Variants in RABL6 observed in about 807,000 individuals in gnomAD.
The protein encoded by RABL6 is rab-like protein 6.
Under a neutral mutation model 72.9 loss-of-function variants are expected in RABL6, and 28 were observed. The ratio of observed to expected loss-of-function variants is 0.38; its 90% CI spans 0.28 to 0.53. The LOEUF is 0.53. RABL6 is among the 20% of genes least tolerant of loss of function. The probability of loss-of-function intolerance (pLI) is 0.80; values close to 1 mark genes in which losing one functional copy is unlikely to be tolerated. For missense variants in RABL6, 1,029 were observed against 1,008.4 expected (o/e 1.02, Z -0.28); for synonymous variants, 477 against 421.2 (o/e 1.13, Z -1.62).
chr9:136,825,692 G>T lies in RABL6; in HGVS notation c.266-87G>T, dbSNP rs572379152. ...CCTGGTGGGAGCCGGTGGCTGCGGG[G>T]CACAGACAACCACACCAGCTGGACC... On this transcript the variant is annotated intron_variant, in intron 2 of 14. Coordinates refer to ENST00000311502, the MANE Select transcript of RABL6 (RefSeq NM_024718.5). 215 of 1,436,606 alleles carry T rather than the reference G, an allele frequency of 1.5e-4. No homozygotes were observed. In the African/African-American group the frequency reaches 2.8e-3, roughly 19 times the overall value. The allele number at this position is 1,436,606 out of a possible 1,614,324, so 89.0% of individuals were successfully genotyped here. A position where few individuals can be genotyped will look rare whatever the true frequency, so the allele number is the denominator to read the frequency against.
intron 1 of RABL6, chr9:136,813,976 A>G: frequency 2.6e-6 from 1 of 387,916 alleles, no homozygotes; most frequent in Non-Finnish European, 5.1e-6. Flanking sequence ...TGTAGCCAAA[A>G]GTATTCTCAC....
intron 1 of RABL6, chr9:136,821,663 C>T: frequency 2.0e-6 from 2 of 989,744 alleles, no homozygotes; most frequent in Non-Finnish European, 2.4e-6. Flanking sequence ...TCGGGCCTCC[C>T]GCCGCGCTGG....
chr9:136,810,760 C>G (rs1588344008), intron 1 of RABL6, among the ~76,000 whole-genome samples: 1 of 152,322 alleles, frequency 6.6e-6, no homozygotes, highest in East Asian at 1.9e-4. Flanking sequence ...CCAGGATGGT[C>G]TCAATCTCCT....
At chr9:136,820,177 C>T (rs1472985490) in intron 1 of RABL6, among the ~76,000 whole-genome samples, 3 of 122,094 alleles carry the variant, frequency 2.5e-5, no homozygotes, top group Non-Finnish European at 3.2e-5. Context: ...CCAGCCTGTG[C>T]GGCAGAGTGA....
chr9:136,840,692 G>C lies in RABL6; in HGVS notation c.*170G>C. 2 of 1,549,042 alleles carry C rather than the reference G, an allele frequency of 1.3e-6. No individual in the cohort carries two copies. Among genetic ancestry groups the C allele is most frequent in the Non-Finnish European group, 8.7e-7 (1 of 1,146,844 alleles). ...CCCCAGGCTGGGCCCTGCAGGTGCT[G>C]GGCCTTCAGGCCCAGTGTGAGCCTG... On this transcript the variant is annotated 3_prime_UTR_variant, in exon 15 of 15. Transcript: ENST00000311502.
intron 3 of RABL6, chr9:136,828,039 C>G (rs1367436027): frequency 6.4e-6 from 1 of 157,476 alleles, no homozygotes. Flanking sequence ...CCTTTCCTCC[C>G]GGGCTGGTTG....
intron 1 of RABL6, chr9:136,812,993 C>T (rs1295201714): frequency 5.6e-6 from 2 of 357,330 alleles, no homozygotes; most frequent in Admixed American, 3.2e-5. Context: ...TCTTCCGCGG[C>T]CTCCTTGGCG....
At chr9:136,821,115 C>CT (rs1372215762) in intron 1 of RABL6, among the ~76,000 whole-genome samples, 2 of 152,196 alleles carry the variant, frequency 1.3e-5, no homozygotes, top group African/African-American at 4.8e-5. Flanking sequence ...CATTGGGAGG[C>CT]TTTGTTAACA....
intron 2 of RABL6, among the ~76,000 whole-genome samples, chr9:136,824,904 C>T (rs1285726720): frequency 6.6e-6 from 1 of 152,226 alleles, no homozygotes; most frequent in Non-Finnish European, 1.5e-5. Context: ...CTGATGGCAG[C>T]GTTCATGCCC....
At chr9:136,815,489 C>T in intron 1 of RABL6, 2 of 265,798 alleles carry the variant, frequency 7.5e-6, no homozygotes, top group Non-Finnish European at 7.3e-6. Flanking sequence ...GGGGAGCAGC[C>T]ATTTTCTTGG....
intron 1 of RABL6, chr9:136,809,578 C>G (rs1847959104): frequency 6.0e-6 from 1 of 165,550 alleles, no homozygotes. Flanking sequence ...AATTCGAGAC[C>G]AGCCTGGCCA....
rs761826034 is a variant in RABL6 at position 136,838,949 on chromosome 9, T to G, written c.1321T>G (p.Phe441Val). The G allele has an allele frequency of 1.2e-6, 2 of 1,609,548 alleles. No individual in the cohort carries two copies. Among genetic ancestry groups the G allele is most frequent in the Admixed American group, 3.4e-5 (2 of 59,694 alleles). ...ALGGNPMVAG[F>V]QDDVDLEDQP... ...GGGCGGCAACCCGATGGTGGCAGGGTTCCAGGACGATGTGGACCTCGAAGA... is the reference window on the plus strand; with the variant it reads ...GGGCGGCAACCCGATGGTGGCAGGGGTCCAGGACGATGTGGACCTCGAAGA... Residue 441 changes from phenylalanine to valine, a missense_variant, in exon 11 of 15, where the codon TTC becomes GTC. Physicochemically the swap from Phe to Val is conservative, Grantham distance 50. Transcript: ENST00000311502.
chr9:136,824,852 G>T (rs1848319126), intron 2 of RABL6, among the ~76,000 whole-genome samples: 1 of 152,208 alleles, frequency 6.6e-6, no homozygotes, highest in African/African-American at 2.4e-5. Flanking sequence ...GCGCACAGAA[G>T]CTCTACCTGC....
At position 136,808,304 on chromosome 9, in the gene RABL6, C is replaced by T; in HGVS notation, c.108C>T (p.Phe36=). ...TGAACCAGGCGTTGCAGAGGCGCTTCGCCAAGGGGGTGCAGTACAACAGTG... is the reference window on the plus strand; with the variant it reads ...TGAACCAGGCGTTGCAGAGGCGCTTTGCCAAGGGGGTGCAGTACAACAGTG... ...QSMNQALQRR[F]AKGVQYNMKI... is the part of the protein sequence containing the mutation. The change falls in exon 1 of 15, where the codon TTC becomes TTT. Residue 36 remains phenylalanine (F), a synonymous_variant. Transcript: ENST00000311502. 3 of 1,559,958 alleles carry T rather than the reference C, an allele frequency of 1.9e-6. No homozygotes were observed. The highest frequency in any genetic ancestry group is 1.7e-4 in the Middle Eastern group (1 of 5,752).
chr9:136,822,887 G>C (rs1215249974), intron 1 of RABL6, among the ~76,000 whole-genome samples: 4 of 152,294 alleles, frequency 2.6e-5, no homozygotes, highest in East Asian at 1.9e-4. Context: ...AGGAGATCGA[G>C]ACCACCCTGG....
intron 1 of RABL6, among the ~76,000 whole-genome samples, chr9:136,815,852 C>G (rs747989898): frequency 1.2e-4 from 19 of 152,210 alleles, no homozygotes; most frequent in Non-Finnish European, 2.8e-4. Context: ...AAATAGAGCT[C>G]TGTGTTTTCT....
chr9:136,815,019 G>C (rs1848088652), intron 1 of RABL6: 1 of 177,320 alleles, frequency 5.6e-6, no homozygotes, highest in Non-Finnish European at 1.2e-5. Flanking sequence ...CCTTTGGCTG[G>C]TGTTGTTTCC....
intron 1 of RABL6, chr9:136,814,074 T>G: frequency 2.8e-6 from 1 of 362,002 alleles, no homozygotes; most frequent in Non-Finnish European, 5.5e-6. Context: ...GTTCCAAGGC[T>G]CTTTCCAGGT....
chr9:136,819,643 C>T (rs1848198654), intron 1 of RABL6, among the ~76,000 whole-genome samples: 2 of 152,182 alleles, frequency 1.3e-5, no homozygotes, highest in Non-Finnish European at 2.9e-5. Flanking sequence ...AGTCCTAGTG[C>T]TACAGCGACA....
Sources: allele counts gnomAD v4.1 joint callset (sites outside exome capture counted in the v4.1 genomes callset), GRCh38; gene constraint gnomAD v4.1.1; transcripts MANE v1.5; gene names NCBI Gene and HGNC (gene_info 2026-07-23, HGNC 2026-07-21).